Variants in CDK5RAP2 observed in about 807,000 individuals in gnomAD.
CDK5RAP2 encodes the protein CDK5 regulatory subunit-associated protein 2.
CDK5RAP2 carries 147 observed loss-of-function variants against 232.9 expected under a neutral mutation model. The ratio of observed to expected loss-of-function variants is 0.63; its 90% CI spans 0.55 to 0.72. The LOEUF (loss-of-function observed/expected upper bound fraction) is 0.72, where lower values mean the gene tolerates loss of function less well. Ranked by LOEUF, CDK5RAP2 falls within the 30% of genes least tolerant of loss-of-function variation. The probability of loss-of-function intolerance (pLI) is 0.00; values close to 1 mark genes in which losing one functional copy is unlikely to be tolerated. For synonymous variants in CDK5RAP2, 833 were observed against 833.7 expected (o/e 1.00, Z 0.01); for missense variants, 2,195 against 2,231.5 (o/e 0.98, Z 0.33).
chr9:120,529,611 G>A (rs574033612), intron 8 of CDK5RAP2, among the ~76,000 whole-genome samples: 22 of 152,254 alleles, frequency 1.4e-4, no homozygotes, highest in African/African-American at 5.1e-4. Context: ...GACCAAAGTT[G>A]GCCTCACACC....
At chr9:120,541,083 A>G (rs2041612474) in intron 5 of CDK5RAP2, among the ~76,000 whole-genome samples, 1 of 152,224 alleles carries the variant, frequency 6.6e-6, no homozygotes, top group Non-Finnish European at 1.5e-5. Flanking sequence ...CTGGACGAGA[A>G]GCCCTTCCTT....
At chr9:120,578,402 G>T (rs968219303) in intron 1 of CDK5RAP2, among the ~76,000 whole-genome samples, 2 of 152,182 alleles carry the variant, frequency 1.3e-5, no homozygotes, top group African/African-American at 4.8e-5. Flanking sequence ...AAAAGGGCAT[G>T]ATGAAATATC....
At chr9:120,553,639 T>G (rs2042123953) in intron 3 of CDK5RAP2, among the ~76,000 whole-genome samples, 3 of 152,282 alleles carry the variant, frequency 2.0e-5, no homozygotes, top group Admixed American at 6.5e-5. Flanking sequence ...GCACTGATAA[T>G]GTACCATGTC....
chr9:120,529,059 A>G (rs2041030756), intron 8 of CDK5RAP2, among the ~76,000 whole-genome samples: 1 of 152,188 alleles, frequency 6.6e-6, no homozygotes, highest in South Asian at 2.1e-4. Flanking sequence ...AACAAGACAA[A>G]GGCCTACTAG....
At chr9:120,509,415 CG>C (rs2039976529) in intron 12 of CDK5RAP2, among the ~76,000 whole-genome samples, 1 of 152,180 alleles carries the variant, frequency 6.6e-6, no homozygotes, top group South Asian at 2.1e-4. Flanking sequence ...CCAGGAACCA[CG>C]GTAGGCATTT....
intron 21 of CDK5RAP2, among the ~76,000 whole-genome samples, chr9:120,451,400 T>C (rs2036473496): frequency 6.6e-6 from 1 of 152,240 alleles, no homozygotes; most frequent in Non-Finnish European, 1.5e-5. Context: ...TCCTCTTGTC[T>C]GTAACTAAAC....
At chr9:120,524,908 T>C in intron 11 of CDK5RAP2, 78 bp downstream of exon 11, 1 of 1,001,506 alleles carries the variant, frequency 1.0e-6, no homozygotes, top group Admixed American at 1.7e-5. Flanking sequence ...ATCACCCAAG[T>C]TCTTTCAGCT....
At chr9:120,411,259 G>C in intron 29 of CDK5RAP2, 99 bp downstream of exon 29, 3 of 791,966 alleles carry the variant, frequency 3.8e-6, no homozygotes, top group Middle Eastern at 2.3e-4. Flanking sequence ...AGAGCCACAG[G>C]ATTCATACTT....
At chr9:120,540,648 A>G (rs1349559474) in intron 5 of CDK5RAP2, among the ~76,000 whole-genome samples, 2 of 152,254 alleles carry the variant, frequency 1.3e-5, no homozygotes, top group African/African-American at 4.8e-5. Context: ...ATCTGCTTCT[A>G]AATTTTTACT....
In CDK5RAP2 at chr9:120,504,751, C is replaced by G. The variant is rs1011583557; in HGVS notation, c.1312-13274G>C. Among the ~76,000 whole-genome samples, 12 of 152,192 alleles carry G rather than the reference C, an allele frequency of 7.9e-5. No individual in the cohort carries two copies. The South Asian group carries it at 2.1e-3, about 26-fold the overall frequency. On this transcript the variant is annotated intron_variant, in intron 12 of 37. Coordinates refer to ENST00000349780, the MANE Select transcript of CDK5RAP2 (RefSeq NM_018249.6). ...CTTACGTTTCAGCTTTATCTGCAAC[C>G]AGTCCCCTTCATCCAACCACTTCAT...
rs763951416 is a variant in CDK5RAP2 at position 120,460,574 on chromosome 9, C to T, written c.2200G>A (p.Glu734Lys). 3 of 1,613,966 alleles carry T rather than the reference C, an allele frequency of 1.9e-6. No homozygotes were observed. Among genetic ancestry groups the T allele is most frequent in the Non-Finnish European group, 8.5e-7 (1 of 1,179,848 alleles). Residue 734 changes from glutamate (E) to lysine (K), a missense_variant and splice_region_variant, in exon 19 of 38, where the codon GAG becomes AAG. Transcript: ENST00000349780. ...GGAGTTAACTGAAAGGTTCCTACCT[C>T]ATTACTCTGCTGCAAATGCTGGTCA... ...LSDQHLQQSN[E>K]IMKDLSKGGC...
intron 12 of CDK5RAP2, among the ~76,000 whole-genome samples, chr9:120,494,746 T>C (rs1374750614): frequency 1.4e-5 from 2 of 147,922 alleles, no homozygotes; most frequent in Non-Finnish European, 3.0e-5. Context: ...CTGTTGCAGG[T>C]AAGAATCATC....
chr9:120,468,141 C>T, intron 17 of CDK5RAP2, 144 bp from the exon 18 acceptor site: 1 of 746,120 alleles, frequency 1.3e-6, no homozygotes, highest in Admixed American at 2.3e-5. Context: ...TCAGGATACC[C>T]TGTGCACAGT....
At chr9:120,409,369 C>T in intron 29 of CDK5RAP2, 53 bp from the exon 30 acceptor site, 1 of 1,297,610 alleles carries the variant, frequency 7.7e-7, no homozygotes, top group Non-Finnish European at 1.1e-6. Context: ...TTTTTTCCAA[C>T]CTTATTATAT....
At chr9:120,487,760 G>A (rs1669539477) in intron 13 of CDK5RAP2, among the ~76,000 whole-genome samples, 1 of 152,190 alleles carries the variant, frequency 6.6e-6, no homozygotes, top group African/African-American at 2.4e-5. Context: ...TGACCCAACA[G>A]ACCTGGTTCC....
chr9:120,458,390 A>C, intron 20 of CDK5RAP2, 60 bp downstream of exon 20: 1 of 1,538,902 alleles, frequency 6.5e-7, no homozygotes, highest in South Asian at 1.1e-5. Flanking sequence ...CATTTAGCAA[A>C]ATGAGTTTGT....
intron 29 of CDK5RAP2, among the ~76,000 whole-genome samples, chr9:120,409,846 A>G (rs543492406): frequency 2.9e-4 from 44 of 152,362 alleles, no homozygotes; most frequent in South Asian, 6.2e-4. Context: ...CAGCTTCTCC[A>G]TTTACTGACT....
intron 3 of CDK5RAP2, among the ~76,000 whole-genome samples, chr9:120,561,395 C>G (rs1358682789): frequency 6.6e-6 from 1 of 152,108 alleles, no homozygotes; most frequent in Non-Finnish European, 1.5e-5. Flanking sequence ...CTCCCAGGCT[C>G]AAGCAATCCT....
chr9:120,441,999 C>G (rs2035927841), intron 23 of CDK5RAP2, among the ~76,000 whole-genome samples: 1 of 152,090 alleles, frequency 6.6e-6, no homozygotes, highest in Admixed American at 6.5e-5. Flanking sequence ...CAGTGAATCA[C>G]CCTCCAAGAC....
Sources: allele counts gnomAD v4.1 joint callset (sites outside exome capture counted in the v4.1 genomes callset), GRCh38; gene constraint gnomAD v4.1.1; transcripts MANE v1.5; gene names NCBI Gene and HGNC (gene_info 2026-07-23, HGNC 2026-07-21).